The following GPC2 variants were observed in gnomAD, a reference collection of about 807,000 sequenced individuals.
The protein encoded by GPC2 is glypican-2.
Under a neutral mutation model 57.3 loss-of-function variants are expected in GPC2, and 42 were observed. The observed-to-expected ratio is 0.73, with a 90% CI of 0.57 to 0.95. The LOEUF is 0.95. Among genes scored for constraint, GPC2 ranks in the 40% least tolerant of loss-of-function variants. The pLI is 0.00. For missense variants in GPC2, 745 were observed against 793.6 expected (o/e 0.94, Z 0.74); for synonymous variants, 364 against 343.4 (o/e 1.06, Z -0.66).
chr7:100,172,771 A>G (rs536105972), intron 5 of GPC2, among the ~76,000 whole-genome samples: 5 of 144,558 alleles, frequency 3.5e-5, no homozygotes, highest in Non-Finnish European at 6.1e-5. Context: ...GTGTATATAT[A>G]TATGTGTGTG....
Position 100,175,889 on chromosome 7 carries a change from A to C in GPC2, c.331T>G (p.Phe111Val). 6.2e-7 allele frequency: 1 copy of C among 1,613,084 alleles called. No homozygotes were observed. Among genetic ancestry groups the C allele is most frequent in the East Asian group, 2.2e-5 (1 of 44,872 alleles). ...AARHRKFDEFFLEMLSVAQHS... is the reference protein window; with the variant it reads ...AARHRKFDEFVLEMLSVAQHS... Reference sequence around the variant, plus strand: ...TGGGCTACTGAGAGCATCTCCAGAAAAAACTCTGCAGCAAATGCAGGGAAC... The same window carrying C: ...TGGGCTACTGAGAGCATCTCCAGAACAAACTCTGCAGCAAATGCAGGGAAC... Residue 111 changes from phenylalanine (F) to valine (V), a missense_variant, in exon 3 of 10, where the codon TTT becomes GTT. Physicochemically the swap from Phe to Val is conservative, Grantham distance 50. Coordinates refer to ENST00000292377, the MANE Select transcript of GPC2 (RefSeq NM_152742.3).
chr7:100,171,519 C>G lies in GPC2; in HGVS notation c.1310+20G>C, dbSNP rs747256964. 1.0e-5 allele frequency: 14 copies of G among 1,362,014 alleles called. No homozygotes were observed. The South Asian group carries it at 1.8e-4, about 17-fold the overall frequency. The allele number at this position is 1,362,014 out of a possible 1,614,324, so 84.4% of individuals were successfully genotyped here. A position where few individuals can be genotyped will look rare whatever the true frequency, so the allele number is the denominator to read the frequency against. On this transcript the variant is annotated intron_variant, in intron 8 of 9. Coordinates refer to ENST00000292377, the MANE Select transcript of GPC2 (RefSeq NM_152742.3). The surrounding 1 kb of genome is among the most constrained non-coding windows in gnomAD (Gnocchi z 4.8). ...CCGCGGTCCCGCCCCCTGCTGCCCC[C>G]CGACGCCCCCGAGGCTCACCGGCCC...
chr7:100,177,093 C>A lies in GPC2; in HGVS notation c.107G>T (p.Arg36Leu), dbSNP rs200469639. The change falls in exon 1 of 10, where the codon CGG becomes CTG. Residue 36 changes from arginine (R) to leucine (L), a missense_variant. Around this residue, in one of 2 missense-constraint regions of GPC2, gnomAD observed 138 missense variants for 189.8 expected, o/e 0.73. Coordinates refer to ENST00000292377, the MANE Select transcript of GPC2 (RefSeq NM_152742.3). ...ATATCCCCGGGCCCCCAGCACCTGC[C>A]GGGTCTCTGCACAACTCCGGGTGAC... ...AKVTRSCAET[R>L]QVLGARGYSL... 5 of 1,612,980 alleles carry A rather than the reference C, an allele frequency of 3.1e-6. No homozygotes were observed. In the South Asian group the frequency reaches 5.5e-5, roughly 18 times the overall value.
Position 100,171,369 on chromosome 7 carries a change from C to A in GPC2, c.1378G>T (p.Ala460Ser). ...CGTGTCGGGACATCGGGGCCCGAGGCGTCCACCTTGAGCTCGGGGTTGTTG... is the reference window on the plus strand; with the variant it reads ...CGTGTCGGGACATCGGGGCCCGAGGAGTCCACCTTGAGCTCGGGGTTGTTG... ...QVNNPELKVD[A>S]SGPDVPTRRR... is the part of the protein sequence containing the mutation. The change falls in exon 9 of 10, where the codon GCC (alanine) becomes TCC (serine). Residue 460 changes from alanine to serine, a missense_variant. By Grantham distance (99) the Ala-to-Ser change is moderately conservative. Around this residue, in one of 2 missense-constraint regions of GPC2, gnomAD observed 607 missense variants for 603.9 expected, o/e 1.01. Coordinates refer to ENST00000292377, the MANE Select transcript of GPC2 (RefSeq NM_152742.3). This position sits in a 1 kb window ranked among gnomAD's most constrained non-coding sequence, Gnocchi z 4.8. 1 of 1,541,624 alleles carries A rather than the reference C, an allele frequency of 6.5e-7. No individual in the cohort carries two copies. The highest frequency in any genetic ancestry group is 8.7e-7 in the Non-Finnish European group (1 of 1,144,890).
rs1800149484 is a variant in GPC2 at position 100,171,474 on chromosome 7, C to T, written c.1311-38G>A. 1 of 1,352,334 alleles carries T rather than the reference C, an allele frequency of 7.4e-7. No individual in the cohort carries two copies. The allele number at this position is 1,352,334 out of a possible 1,614,324, so 83.8% of individuals were successfully genotyped here. On this transcript the variant is annotated intron_variant, in intron 8 of 9. Transcript: ENST00000292377. The surrounding 1 kb of genome is among the most constrained non-coding windows in gnomAD (Gnocchi z 4.8). Reference sequence around the variant, plus strand: ...CAGCCCCGAAGCGCCAGCTAGCGCGCGCGGCCCCGCCCCTCCCGGCCGCGG... The same window carrying T: ...CAGCCCCGAAGCGCCAGCTAGCGCGTGCGGCCCCGCCCCTCCCGGCCGCGG...
chr7:100,170,817 G>A (rs1472174671), intron 9 of GPC2, among the ~76,000 whole-genome samples: 2 of 152,070 alleles, frequency 1.3e-5, no homozygotes, highest in Admixed American at 1.3e-4. Flanking sequence ...CCAGGAAGAG[G>A]GGTGCGGGAA....
chr7:100,174,260 G>T, intron 4 of GPC2: 1 of 527,930 alleles, frequency 1.9e-6, no homozygotes, highest in Non-Finnish European at 3.4e-6. Flanking sequence ...CACAGCTGGG[G>T]AGGGAGGAGG....
intron 1 of GPC2, 21 bp downstream of exon 1, chr7:100,177,013 A>G: frequency 2.3e-6 from 1 of 436,312 alleles, no homozygotes; most frequent in Non-Finnish European, 4.1e-6. Flanking sequence ...CCAATTCTCT[A>G]GTCTTCCTCT....
chr7:100,173,827 C>G lies in GPC2; in HGVS notation c.892+8G>C. The G allele has an allele frequency of 6.6e-7, 1 of 1,526,358 alleles. No individual in the cohort carries two copies. The highest frequency in any genetic ancestry group is 8.8e-7 in the Non-Finnish European group (1 of 1,136,304). 94.6% of individuals were successfully genotyped at this position (1,526,358 alleles called of 1,614,324 possible). A position where few individuals can be genotyped will look rare whatever the true frequency, so the allele number is the denominator to read the frequency against. ...TGCCTGGCTCCAGGCTTTCTTGAAT[C>G]CCCTCACCCAGATAGTTGCCCCAGT... is the stretch of plus-strand genomic sequence containing the variant. On this transcript the variant is annotated splice_region_variant and intron_variant, in intron 5 of 9. Transcript: ENST00000292377.
At chr7:100,176,107 G>A in intron 2 of GPC2, 100 bp downstream of exon 2, 4 of 1,196,744 alleles carry the variant, frequency 3.3e-6, no homozygotes, top group Non-Finnish European at 4.7e-6. Context: ...AGGGGATGGA[G>A]TCTTCACAGA....
chr7:100,176,985 C>CGGGGGGGGGGGG, intron 1 of GPC2, 49 bp downstream of exon 1: 2 of 432,530 alleles, frequency 4.6e-6, no homozygotes, highest in African/African-American at 2.3e-5. Context: ...GAGGAGGCCC[C>CGGGGGGGGGGGG]GCCCCCGCCC....
At chr7:100,173,804 C>A (rs374586259) in intron 5 of GPC2, 31 bp downstream of exon 5, 1 of 1,491,650 alleles carries the variant, frequency 6.7e-7, no homozygotes, top group Non-Finnish European at 9.0e-7. Context: ...AGCCACCATG[C>A]CTGGCTCCAG....
At chr7:100,175,253 A>G (rs1799247675) in intron 3 of GPC2, among the ~76,000 whole-genome samples, 1 of 152,238 alleles carries the variant, frequency 6.6e-6, no homozygotes, top group Non-Finnish European at 1.5e-5. Flanking sequence ...AGAGGAAGTC[A>G]AGGTGTTACG....
rs372470582 is a variant in GPC2 at position 100,175,691 on chromosome 7, G to A, written c.529C>T (p.Leu177=). 1 of 1,614,016 alleles carries A rather than the reference G, an allele frequency of 6.2e-7. No homozygotes were observed. Among genetic ancestry groups the A allele is most frequent in the Non-Finnish European group, 8.5e-7 (1 of 1,180,016 alleles). ...GGGAAGCTGTACTGTGGGTGCAGCA[G>A]CGGGAACACTCTCTCCAGGAGCTGT... The part of the protein sequence containing the change: ...WAQLLERVFP[L]LHPQYSFPPD... Residue 177 remains leucine (L), a synonymous_variant, in exon 3 of 10, where the codon CTG becomes TTG. Transcript: ENST00000292377.
Position 100,171,028 on chromosome 7 carries a change from C to T in GPC2, c.1486+233G>A. On this transcript the variant is annotated intron_variant, in intron 9 of 9. Transcript: ENST00000292377. The surrounding 1 kb of genome is among the most constrained non-coding windows in gnomAD (Gnocchi z 4.8). ...TTTGCCCATTATAAGGGGCTTCCCA[C>T]TGTTCTTTAAGAATGTTTTCGTGTC... 4.4e-6 allele frequency: 2 copies of T among 451,084 alleles called. No homozygotes were observed. The highest frequency in any genetic ancestry group is 7.7e-6 in the Non-Finnish European group (2 of 258,524). The allele number at this position is 451,084 out of a possible 1,614,324, so 27.9% of individuals were successfully genotyped here.
Position 100,171,677 on chromosome 7 carries a change from A to G in GPC2, c.1172T>C (p.Val391Ala). Residue 391 changes from valine to alanine, a missense_variant and splice_region_variant, in exon 8 of 10, where the codon GTG (valine) becomes GCG (alanine). Val to Ala is a moderately conservative substitution (Grantham distance 64, BLOSUM62 0). Transcript: ENST00000292377. This position sits in a 1 kb window ranked among gnomAD's most constrained non-coding sequence, Gnocchi z 4.8. ...GGCCAGACGCTCGCGGAGCTCCCAC[A>G]CCTGGGCGGGCGAGAGGGGGCGGGG... ...TAAGTNLHRLVWELRERLARM... is the reference protein window; with the variant it reads ...TAAGTNLHRLAWELRERLARM... 6.7e-7 allele frequency: 1 copy of G among 1,493,976 alleles called. No individual in the cohort carries two copies. The allele number at this position is 1,493,976 out of a possible 1,614,324, so 92.5% of individuals were successfully genotyped here.
At position 100,171,062 on chromosome 7, in the gene GPC2, T is replaced by G. The variant is rs1799167688; in HGVS notation, c.1486+199A>C. 2.1e-6 allele frequency: 1 copy of G among 487,406 alleles called. No individual in the cohort carries two copies. Among genetic ancestry groups the G allele is most frequent in the Admixed American group, 4.1e-5 (1 of 24,162 alleles). The allele number at this position is 487,406 out of a possible 1,614,324, so 30.2% of individuals were successfully genotyped here. ...AAGAATGTTTTCGTGTCTCCCCTAC[T>G]GGCCTGAAAGGATACAGACCCCCTC... On this transcript the variant is annotated intron_variant, in intron 9 of 9. Transcript: ENST00000292377. The surrounding 1 kb of genome is among the most constrained non-coding windows in gnomAD (Gnocchi z 4.8).
At position 100,176,358 on chromosome 7, in the gene GPC2, G is replaced by T. The variant is rs1242399193; in HGVS notation, c.174C>A (p.His58Gln). ...LIPPALISGEHLRVCPQEYTC... is the reference protein window; with the variant it reads ...LIPPALISGEQLRVCPQEYTC... ...TGTACTCCTGGGGACAGACCCGGAG[G>T]TGCTCACCTGGACAGAGGAGACGTG... Residue 58 changes from histidine to glutamine, a missense_variant, in exon 2 of 10, where the codon CAC (histidine) becomes CAA (glutamine). Physicochemically the swap from His to Gln is conservative, Grantham distance 24. Coordinates refer to ENST00000292377, the MANE Select transcript of GPC2 (RefSeq NM_152742.3). 1.2e-6 allele frequency: 2 copies of T among 1,613,656 alleles called. No homozygotes were observed. Among genetic ancestry groups the T allele is most frequent in the Non-Finnish European group, 1.7e-6 (2 of 1,179,860 alleles).
At chr7:100,172,556 C>G (rs1342303669) in intron 5 of GPC2, among the ~76,000 whole-genome samples, 1 of 150,420 alleles carries the variant, frequency 6.6e-6, no homozygotes, top group Non-Finnish European at 1.5e-5. Flanking sequence ...ACCTCTGCCT[C>G]CTGGGTTCAA....
Sources: allele counts gnomAD v4.1 joint callset (sites outside exome capture counted in the v4.1 genomes callset), GRCh38; gene constraint gnomAD v4.1.1; regional missense constraint gnomAD v4.1.1; non-coding constraint Gnocchi (gnomAD v3.1); transcripts MANE v1.5; gene names NCBI Gene and HGNC (gene_info 2026-07-23, HGNC 2026-07-21).